Variants in CNTLN observed in about 807,000 individuals in gnomAD.
CNTLN encodes centlein, centrosomal protein.
Under a neutral mutation model 180.0 loss-of-function variants are expected in CNTLN, and 212 were observed. The observed-to-expected ratio is 1.18, with a 90% CI of 1.05 to 1.32. CNTLN has a LOEUF of 1.32. Among genes scored for constraint, CNTLN ranks in the 40% most tolerant of loss-of-function variants. The pLI is 0.00. For missense variants in CNTLN, 2,095 were observed against 1,610.9 expected, an observed-to-expected ratio of 1.30 and a Z score of -5.14; for synonymous variants, 722 against 563.1, an observed-to-expected ratio of 1.28 and a Z score of -3.99.
chr9:17,284,127 T>C (rs1356312610), intron 6 of CNTLN, among the ~76,000 whole-genome samples: 1 of 152,180 alleles, frequency 6.6e-6, no homozygotes, highest in Non-Finnish European at 1.5e-5. Context: ...ATTCAAGCAC[T>C]TCTCCTGCCT....
intron 5 of CNTLN, among the ~76,000 whole-genome samples, chr9:17,253,066 G>A (rs1826251101): frequency 6.6e-6 from 1 of 151,606 alleles, no homozygotes. Flanking sequence ...CTTTGTTGAA[G>A]ATCAGTCAGC....
At chr9:17,327,385 C>A (rs1000503080) in intron 8 of CNTLN, among the ~76,000 whole-genome samples, 1 of 151,412 alleles carries the variant, frequency 6.6e-6, no homozygotes, top group African/African-American at 2.4e-5. Context: ...GGGGTTTCAC[C>A]GTGTTAGCCA....
chr9:17,479,983 C>A (rs1832554199), intron 23 of CNTLN, among the ~76,000 whole-genome samples: 1 of 152,030 alleles, frequency 6.6e-6, no homozygotes, highest in African/African-American at 2.4e-5. Context: ...CTTTCCAACC[C>A]CTTATTCATG....
intron 12 of CNTLN, among the ~76,000 whole-genome samples, chr9:17,354,114 C>T (rs7872048): frequency 0.013 from 2,026 of 152,298 alleles, 44 homozygotes; most frequent in African/African-American, 0.047. Flanking sequence ...GGTCCCGCAG[C>T]AGTGCCAGCC....
intron 2 of CNTLN, among the ~76,000 whole-genome samples, chr9:17,208,854 A>G (rs761034262): frequency 3.3e-5 from 5 of 151,820 alleles, no homozygotes; most frequent in African/African-American, 7.3e-5. Flanking sequence ...CTCTTTTCTT[A>G]TTAATTAGTC....
chr9:17,226,393 G>C, intron 3 of CNTLN, 106 bp downstream of exon 3: 1 of 543,186 alleles, frequency 1.8e-6, no homozygotes, highest in Non-Finnish European at 3.1e-6. Context: ...AGAATATCAG[G>C]GTCCTTATGT....
At chr9:17,446,109 G>A (rs1362604136) in intron 18 of CNTLN, among the ~76,000 whole-genome samples, 2 of 152,096 alleles carry the variant, frequency 1.3e-5, no homozygotes, top group African/African-American at 4.8e-5. Flanking sequence ...ATTGTCTTGT[G>A]ACCCTGACAC....
chr9:17,507,604 G>C (rs1202254555), downstream of CNTLN, among the ~76,000 whole-genome samples: 1 of 152,026 alleles, frequency 6.6e-6, no homozygotes, highest in Non-Finnish European at 1.5e-5. Context: ...ACTGCCTTTG[G>C]TATTAACACA....
At chr9:17,296,407 A>G (rs1437673399) in intron 6 of CNTLN, among the ~76,000 whole-genome samples, 2 of 152,188 alleles carry the variant, frequency 1.3e-5, no homozygotes, top group Non-Finnish European at 2.9e-5. Flanking sequence ...CTTCTCATTA[A>G]GAAATACCAA....
chr9:17,303,259 G>A (rs1001183679), intron 7 of CNTLN, among the ~76,000 whole-genome samples: 1 of 152,152 alleles, frequency 6.6e-6, no homozygotes, highest in Non-Finnish European at 1.5e-5. Flanking sequence ...AAAAGCCTCG[G>A]TAAACAGATT....
intron 5 of CNTLN, among the ~76,000 whole-genome samples, chr9:17,246,022 C>G (rs2132234689): frequency 6.6e-6 from 1 of 152,128 alleles, no homozygotes; most frequent in African/African-American, 2.4e-5. Context: ...TGTGTCTCTC[C>G]ACGATTTGCC....
intron 6 of CNTLN, among the ~76,000 whole-genome samples, chr9:17,289,862 G>C (rs1267707808): frequency 1.5e-5 from 2 of 134,550 alleles, no homozygotes; most frequent in Non-Finnish European, 3.1e-5. Context: ...AGCTCCATCA[G>C]CTCCTTTAAG....
At chr9:17,304,277 C>T (rs1471927957) in intron 7 of CNTLN, among the ~76,000 whole-genome samples, 1 of 152,136 alleles carries the variant, frequency 6.6e-6, no homozygotes, top group African/African-American at 2.4e-5. Context: ...GAGAAAAACA[C>T]CTATCAAGAT....
chr9:17,142,751 TA>T (rs1004455465), intron 1 of CNTLN, among the ~76,000 whole-genome samples: 1 of 152,208 alleles, frequency 6.6e-6, no homozygotes, highest in Non-Finnish European at 1.5e-5. Context: ...CCCTATTTTT[TA>T]AAAGCTCCTC....
chr9:17,427,220 C>G (rs1277404742), intron 18 of CNTLN, among the ~76,000 whole-genome samples: 2 of 151,896 alleles, frequency 1.3e-5, no homozygotes, highest in African/African-American at 2.4e-5. Context: ...GTCACATGCT[C>G]CGTGCTCTGC....
intron 2 of CNTLN, among the ~76,000 whole-genome samples, chr9:17,197,507 A>G (rs1822210903): frequency 6.6e-6 from 1 of 152,130 alleles, no homozygotes; most frequent in Non-Finnish European, 1.5e-5. Context: ...GCACCTTTTT[A>G]TATACCTGTT....
At chr9:17,290,258 A>G (rs368240100) in intron 6 of CNTLN, among the ~76,000 whole-genome samples, 3 of 151,806 alleles carry the variant, frequency 2.0e-5, no homozygotes, top group African/African-American at 4.8e-5. Context: ...GTCTGTTGGA[A>G]TACCCTGCCA....
chr9:17,283,519 A>T (rs959374597), intron 6 of CNTLN, among the ~76,000 whole-genome samples: 2 of 152,108 alleles, frequency 1.3e-5, no homozygotes, highest in Non-Finnish European at 2.9e-5. Flanking sequence ...GGTTTTCTAG[A>T]TATAGAATCA....
At chr9:17,272,360 T>G (rs2132504258) in intron 5 of CNTLN, among the ~76,000 whole-genome samples, 1 of 152,102 alleles carries the variant, frequency 6.6e-6, no homozygotes, top group East Asian at 1.9e-4. Context: ...CAGGCGTGAG[T>G]CACTGCGCCT....
Sources: gnomAD v4.1 joint callset for allele counts (sites outside exome capture counted in the v4.1 genomes callset) on GRCh38, gnomAD v4.1.1 for gene constraint, MANE v1.5 for transcripts, NCBI Gene and HGNC (gene_info 2026-07-23, HGNC 2026-07-21) for gene names.